The following RBFOX1 variants were observed in gnomAD, a reference collection of about 807,000 sequenced individuals.
RBFOX1 encodes RNA binding protein fox-1 homolog 1.
Under a neutral mutation model 57.7 loss-of-function variants are expected in RBFOX1, and 8 were observed. That is an observed-to-expected ratio of 0.14 (90% confidence interval 0.08 to 0.25). The LOEUF (loss-of-function observed/expected upper bound fraction) is 0.25, where lower values mean the gene tolerates loss of function less well. Among genes scored for constraint, RBFOX1 ranks in the 10% least tolerant of loss-of-function variants. The pLI is 1.00. For synonymous variants in RBFOX1, 326 were observed against 222.4 expected, an observed-to-expected ratio of 1.47 and a Z score of -4.15; for missense variants, 611 against 548.5, an observed-to-expected ratio of 1.11 and a Z score of -1.14.
chr16:7,326,868 C>T (rs2096618535), intron 4 of RBFOX1, among the ~76,000 whole-genome samples: 1 of 152,036 alleles, frequency 6.6e-6, no homozygotes, highest in Non-Finnish European at 1.5e-5. Flanking sequence ...TCTGGGGGCC[C>T]CTGGCAGCCC....
At chr16:5,383,473 C>T (rs1480687099) in intron 1 of RBFOX1, among the ~76,000 whole-genome samples, 1 of 152,126 alleles carries the variant, frequency 6.6e-6, no homozygotes, top group Non-Finnish European at 1.5e-5. Flanking sequence ...TGTTAAGCAC[C>T]AACTGCATGC....
chr16:7,263,020 G>A (rs760315865), intron 4 of RBFOX1, among the ~76,000 whole-genome samples: 3 of 152,172 alleles, frequency 2.0e-5, no homozygotes, highest in Non-Finnish European at 2.9e-5. Flanking sequence ...GCAGACTTCT[G>A]CAGCCTCTGC....
chr16:5,257,021 A>C (rs942990846), intron 1 of RBFOX1, among the ~76,000 whole-genome samples: 10 of 152,128 alleles, frequency 6.6e-5, no homozygotes, highest in Non-Finnish European at 1.3e-4. Context: ...GTTGGATTTT[A>C]CACACAGGGA....
chr16:5,999,882 A>C (rs1596375376), intron 4 of RBFOX1, among the ~76,000 whole-genome samples: 1 of 50,122 alleles, frequency 2.0e-5, no homozygotes, highest in African/African-American at 6.1e-5. Flanking sequence ...AAAAAAAAAA[A>C]AAAAAAAAAA....
At chr16:7,535,002 C>T (rs1044737846) in intron 5 of RBFOX1, among the ~76,000 whole-genome samples, 2 of 152,188 alleles carry the variant, frequency 1.3e-5, no homozygotes, top group African/African-American at 4.8e-5. Context: ...GCTCTGTTAA[C>T]TCCCAAGTCA....
At chr16:7,576,706 C>T (rs1291923675) in intron 5 of RBFOX1, among the ~76,000 whole-genome samples, 1 of 152,164 alleles carries the variant, frequency 6.6e-6, no homozygotes, top group Non-Finnish European at 1.5e-5. Context: ...TGCTATTAAT[C>T]ATTTAATATG....
At chr16:6,982,471 G>C (rs12102424) in intron 3 of RBFOX1, among the ~76,000 whole-genome samples, 2 of 152,080 alleles carry the variant, frequency 1.3e-5, no homozygotes, top group Admixed American at 6.6e-5. Context: ...CTTCTCATTC[G>C]TTCATGAGAG....
intron 3 of RBFOX1, among the ~76,000 whole-genome samples, chr16:6,943,283 T>A (rs1423000021): frequency 6.6e-6 from 1 of 152,138 alleles, no homozygotes; most frequent in Non-Finnish European, 1.5e-5. Context: ...AATAGCCCAT[T>A]TGTCTTAAAG....
chr16:5,910,304 C>T (rs907191683), intron 4 of RBFOX1, among the ~76,000 whole-genome samples: 3 of 152,088 alleles, frequency 2.0e-5, no homozygotes, highest in African/African-American at 7.2e-5. Flanking sequence ...CAGAGGGGCA[C>T]GTTCTCCCGT....
intron 3 of RBFOX1, among the ~76,000 whole-genome samples, chr16:5,788,648 A>G (rs932262021): frequency 6.6e-6 from 1 of 152,076 alleles, no homozygotes; most frequent in African/African-American, 2.4e-5. Flanking sequence ...ATGATAAATA[A>G]ACAAACTTGT....
chr16:6,621,820 C>T (rs1054736717), intron 2 of RBFOX1, among the ~76,000 whole-genome samples: 20 of 152,112 alleles, frequency 1.3e-4, no homozygotes, highest in African/African-American at 4.6e-4. Flanking sequence ...CATTTAAAGA[C>T]CACACACATC....
chr16:5,565,304 T>G (rs1257047276), intron 2 of RBFOX1, among the ~76,000 whole-genome samples: 1 of 152,166 alleles, frequency 6.6e-6, no homozygotes, highest in Non-Finnish European at 1.5e-5. Flanking sequence ...TTCATGTGCA[T>G]GCATGTGCAC....
chr16:5,503,166 G>A (rs544488299), intron 2 of RBFOX1, among the ~76,000 whole-genome samples: 2 of 152,222 alleles, frequency 1.3e-5, no homozygotes, highest in Non-Finnish European at 2.9e-5. Flanking sequence ...TGTGACTTCC[G>A]GCAAGAGAAT....
At chr16:6,917,829 G>A (rs1187035917) in intron 3 of RBFOX1, among the ~76,000 whole-genome samples, 4 of 152,120 alleles carry the variant, frequency 2.6e-5, no homozygotes, top group Non-Finnish European at 4.4e-5. Context: ...ACAGGGCCCT[G>A]GGGGAGACAT....
intron 4 of RBFOX1, among the ~76,000 whole-genome samples, chr16:7,397,043 G>A (rs1242622531): frequency 6.6e-6 from 1 of 152,196 alleles, no homozygotes; most frequent in Non-Finnish European, 1.5e-5. Flanking sequence ...TTAGGAGAAC[G>A]TGAGGTCTAA....
chr16:6,271,122 C>T (rs1029341902), intron 1 of RBFOX1, among the ~76,000 whole-genome samples: 1 of 152,050 alleles, frequency 6.6e-6, no homozygotes, highest in Non-Finnish European at 1.5e-5. Context: ...AAACTCCCAC[C>T]TTAAGAACAT....
chr16:6,558,762 A>G (rs1430961523), intron 2 of RBFOX1, among the ~76,000 whole-genome samples: 1 of 151,544 alleles, frequency 6.6e-6, no homozygotes, highest in Non-Finnish European at 1.5e-5. Context: ...GATGATTAAC[A>G]TGCTTCCCCC....
intron 1 of RBFOX1, among the ~76,000 whole-genome samples, chr16:6,095,566 A>G (rs1023491535): frequency 3.3e-5 from 5 of 152,348 alleles, no homozygotes; most frequent in Admixed American, 1.3e-4. Flanking sequence ...TCTGCCATTC[A>G]TCTAGGAAGG....
At chr16:6,770,440 C>T (rs1053810335) in intron 3 of RBFOX1, among the ~76,000 whole-genome samples, 1 of 152,182 alleles carries the variant, frequency 6.6e-6, no homozygotes, top group Non-Finnish European at 1.5e-5. Flanking sequence ...CCAGCTGCAC[C>T]TATGCAAGCA....
Sources: gnomAD v4.1 joint callset for allele counts (sites outside exome capture counted in the v4.1 genomes callset) on GRCh38, gnomAD v4.1.1 for gene constraint, MANE v1.5 for transcripts, NCBI Gene and HGNC (gene_info 2026-07-23, HGNC 2026-07-21) for gene names.